The following DNM2 variants were observed in gnomAD, a reference collection of about 807,000 sequenced individuals.
DNM2 encodes the protein dynamin-2.
A neutral mutation model predicts 99.0 loss-of-function variants in DNM2; 15 were observed. The observed-to-expected ratio is 0.15, with a 90% CI of 0.10 to 0.23. The LOEUF is 0.23. Ranked by LOEUF, DNM2 falls within the 10% of genes least tolerant of loss-of-function variation. The pLI is 1.00. For synonymous variants in DNM2, 525 were observed against 481.2 expected (o/e 1.09, Z -1.19); for missense variants, 742 against 1,189.4 (o/e 0.62, Z 5.53).
At chr19:10,759,531 A>T in intron 1 of DNM2, 1 of 641,600 alleles carries the variant, frequency 1.6e-6, no homozygotes, top group Non-Finnish European at 2.8e-6. Flanking sequence ...GGTTCTGGTC[A>T]CTATGACCTT....
At position 10,772,503 on chromosome 19, in the gene DNM2, A is replaced by G; in HGVS notation, c.260A>G (p.Lys87Arg). 2 of 1,614,130 alleles carry G rather than the reference A, an allele frequency of 1.2e-6. No homozygotes were observed. Among genetic ancestry groups the G allele is most frequent in the African/African-American group, 1.3e-5 (1 of 75,022 alleles). The change falls in exon 3 of 21, where the codon AAG becomes AGG. Residue 87 changes from lysine to arginine, a missense_variant. Lys to Arg is a conservative substitution (Grantham distance 26). Coordinates refer to ENST00000389253, the MANE Select transcript of DNM2 (RefSeq NM_001005361.3). This position sits in a 1 kb window ranked among gnomAD's most constrained non-coding sequence, Gnocchi z 4.9. ...KTEHAEFLHCKSKKFTDFDEV... is the reference protein window; with the variant it reads ...KTEHAEFLHCRSKKFTDFDEV... ...GAACATGCCGAGTTTTTGCACTGCA[A>G]GTCCAAAAAGTTTACAGACTTTGAT...
Position 10,818,636 on chromosome 19 carries a change from G to C in DNM2, c.1672-1344G>C, listed in dbSNP as rs771736950. ...GTCCCAGCTGGCCCCCACTTGCCAG[G>C]GAGCCCCCGCTGCCTTCTCCACAGT... On this transcript the variant is annotated intron_variant, in intron 15 of 20. Transcript: ENST00000389253. The surrounding 1 kb of genome is among the most constrained non-coding windows in gnomAD (Gnocchi z 4.3). Among the ~76,000 whole-genome samples, 14 of 152,346 alleles carry C rather than the reference G, an allele frequency of 9.2e-5. No individual in the cohort carries two copies. Among genetic ancestry groups the C allele is most frequent in the Non-Finnish European group, 1.9e-4 (13 of 68,040 alleles).
rs2071499896 is a variant in DNM2, at chr19:10,784,819, A to AGAT, written c.849+1699_849+1700insGAT. Reference sequence around the variant, plus strand: ...GTATTTATTTTTTATTTTTTTGATGATTTTTTTTTTTTTTTTTTTTTTGAG... The same window carrying AGAT: ...GTATTTATTTTTTATTTTTTTGATGAGATTTTTTTTTTTTTTTTTTTTTTTGAG... On this transcript the variant is annotated intron_variant, in intron 6 of 20. Transcript: ENST00000389253. 1.4e-4 allele frequency among the ~76,000 whole-genome samples: 14 copies of AGAT among 99,442 alleles called. No homozygotes were observed. In the East Asian group the frequency reaches 3.8e-3, roughly 27 times the overall value. The allele number at this position is 99,442 out of a possible 152,430, so 65.2% of individuals were successfully genotyped here.
chr19:10,732,544 G>A (rs1489620896), intron 1 of DNM2, among the ~76,000 whole-genome samples: 1 of 151,776 alleles, frequency 6.6e-6, no homozygotes, highest in Admixed American at 6.6e-5. Context: ...AGCTTGCAGT[G>A]AGCCGAGATC....
chr19:10,724,763 T>G (rs1418920396), intron 1 of DNM2, among the ~76,000 whole-genome samples: 1 of 152,168 alleles, frequency 6.6e-6, no homozygotes, highest in Non-Finnish European at 1.5e-5. Flanking sequence ...AGCTGAGGGC[T>G]CTCTCCTTTG....
intron 1 of DNM2, among the ~76,000 whole-genome samples, chr19:10,741,356 C>G (rs140654592): frequency 6.6e-6 from 1 of 151,896 alleles, no homozygotes; most frequent in South Asian, 2.1e-4. Flanking sequence ...CTCTGCCTCC[C>G]GAGTAGCTGG....
intron 2 of DNM2, among the ~76,000 whole-genome samples, chr19:10,762,931 T>G (rs565492708): frequency 6.6e-6 from 1 of 152,296 alleles, no homozygotes; most frequent in African/African-American, 2.4e-5. Flanking sequence ...TGGAGGTGGA[T>G]GCATAGTTGC....
At chr19:10,828,199 G>C (rs1172482571) in intron 18 of DNM2, among the ~76,000 whole-genome samples, 1 of 152,108 alleles carries the variant, frequency 6.6e-6, no homozygotes, top group African/African-American at 2.4e-5. Flanking sequence ...TGAGGCACAA[G>C]AATTGCTTGG....
At position 10,748,095 on chromosome 19, in the gene DNM2, T is replaced by TG. The variant is rs576454811; in HGVS notation, c.162-11637dup. 5.5e-4 allele frequency among the ~76,000 whole-genome samples: 84 copies of TG among 151,620 alleles called. 1 individual carries two copies. Among genetic ancestry groups the TG allele is most frequent in the African/African-American group, 1.9e-3 (79 of 41,310 alleles). On this transcript the variant is annotated intron_variant, in intron 1 of 20. Transcript: ENST00000389253. ...GTGACAGGACAGGTCGTGCAGGGCT[T>TG]GGGGGGCTGCAGGGAAAAGTCTGGC...
At chr19:10,770,104 G>T (rs577070909) in intron 2 of DNM2, among the ~76,000 whole-genome samples, 1 of 152,208 alleles carries the variant, frequency 6.6e-6, no homozygotes, top group African/African-American at 2.4e-5. Context: ...GGGACCACAC[G>T]CAGGGCCTGG....
chr19:10,739,576 TG>T (rs548120205), intron 1 of DNM2, among the ~76,000 whole-genome samples: 2 of 152,150 alleles, frequency 1.3e-5, no homozygotes, highest in Non-Finnish European at 2.9e-5. Flanking sequence ...CCATGCTGGT[TG>T]GGTGCAGTGG....
At chr19:10,728,260 G>A (rs2069176946) in intron 1 of DNM2, among the ~76,000 whole-genome samples, 1 of 152,200 alleles carries the variant, frequency 6.6e-6, no homozygotes, top group African/African-American at 2.4e-5. Context: ...CTCTGCCCAG[G>A]GGTGGCAGCT....
chr19:10,759,773 G>A lies in DNM2; in HGVS notation c.197G>A (p.Arg66Gln), dbSNP rs1568283807. The stretch of plus-strand genomic sequence containing the variant: ...CCCCGCGGTTCAGGAATCGTCACCC[G>A]GCGGCCTCTCATTCTGCAGCTCATC... ...FLPRGSGIVT[R>Q]RPLILQLIFS... The change falls in exon 2 of 21, where the codon CGG becomes CAG. Residue 66 changes from arginine (R) to glutamine (Q), a missense_variant. Arg to Gln is a conservative substitution (Grantham distance 43). Coordinates refer to ENST00000389253, the MANE Select transcript of DNM2 (RefSeq NM_001005361.3). 2 of 1,614,106 alleles carry A rather than the reference G, an allele frequency of 1.2e-6. No individual in the cohort carries two copies. Among genetic ancestry groups the A allele is most frequent in the Non-Finnish European group, 1.7e-6 (2 of 1,180,030 alleles).
intron 1 of DNM2, among the ~76,000 whole-genome samples, chr19:10,722,145 C>T (rs1375243234): frequency 2.6e-5 from 4 of 152,114 alleles, no homozygotes; most frequent in African/African-American, 7.2e-5. Context: ...TTTCACCTGG[C>T]GTTGCTGAGC....
At chr19:10,803,765 G>T (rs147266367) in intron 12 of DNM2, 27 of 887,706 alleles carry the variant, frequency 3.0e-5, no homozygotes, top group Non-Finnish European at 8.1e-6. Flanking sequence ...CCTGGGGCCC[G>T]CTGAAGAGCT....
At position 10,793,868 on chromosome 19, in the gene DNM2, G is replaced by A. The variant is rs772437963; in HGVS notation, c.1128+13G>A. On this transcript the variant is annotated intron_variant, in intron 8 of 20. Transcript: ENST00000389253. ...TGAGCTGGTGAAGGTAGTGCCCCCC[G>A]GGGCTGGGCCCTCCCGTCTCTGGTC... 12 of 1,613,942 alleles carry A rather than the reference G, an allele frequency of 7.4e-6. No homozygotes were observed. Among genetic ancestry groups the A allele is most frequent in the East Asian group, 6.7e-5 (3 of 44,878 alleles).
intron 1 of DNM2, among the ~76,000 whole-genome samples, chr19:10,746,252 C>T (rs1012346099): frequency 5.3e-5 from 8 of 151,460 alleles, no homozygotes; most frequent in Non-Finnish European, 7.4e-5. Flanking sequence ...TGAGCTACCA[C>T]GCCCGGCCTT....
At chr19:10,813,732 G>GACTCA (rs2072632735) in intron 15 of DNM2, among the ~76,000 whole-genome samples, 1 of 151,930 alleles carries the variant, frequency 6.6e-6, no homozygotes, top group Admixed American at 6.6e-5. Flanking sequence ...AGGCTGAGGT[G>GACTCA]GGAGGGTCAC....
intron 1 of DNM2, among the ~76,000 whole-genome samples, chr19:10,758,395 C>T (rs1251871808): frequency 2.2e-5 from 2 of 90,086 alleles, no homozygotes; most frequent in African/African-American, 4.1e-5. Flanking sequence ...CCTTCCTTCC[C>T]TCCTTCCTTC....
Sources: allele counts gnomAD v4.1 joint callset (sites outside exome capture counted in the v4.1 genomes callset), GRCh38; gene constraint gnomAD v4.1.1; non-coding constraint Gnocchi (gnomAD v3.1); transcripts MANE v1.5; gene names NCBI Gene and HGNC (gene_info 2026-07-23, HGNC 2026-07-21).